EPB41L4B: variants seen among roughly 807,000 people sequenced by gnomAD.
EPB41L4B encodes the protein band 4.1-like protein 4B.
EPB41L4B carries 30 observed loss-of-function variants against 112.5 expected under a neutral mutation model. That is an observed-to-expected ratio of 0.27 (90% confidence interval 0.20 to 0.36). The LOEUF (loss-of-function observed/expected upper bound fraction) is 0.36. EPB41L4B is among the 10% of genes least tolerant of loss of function. The probability of loss-of-function intolerance (pLI) is 1.00; values close to 1 mark genes in which losing one functional copy is unlikely to be tolerated. For synonymous variants in EPB41L4B, 408 were observed against 439.7 expected (o/e 0.93, Z 0.90); for missense variants, 1,024 against 1,133.3 (o/e 0.90, Z 1.38).
At chr9:109,236,090 T>G (rs1012482398) in intron 15 of EPB41L4B, among the ~76,000 whole-genome samples, 8 of 152,226 alleles carry the variant, frequency 5.3e-5, no homozygotes, top group Admixed American at 3.9e-4. Context: ...ATTTTACTTC[T>G]GCAAACTTCC....
intron 2 of EPB41L4B, among the ~76,000 whole-genome samples, chr9:109,271,593 C>A (rs1835622374): frequency 6.6e-6 from 1 of 152,228 alleles, no homozygotes; most frequent in African/African-American, 2.4e-5. Context: ...GAAAGCCCAA[C>A]ATGGCATTTA....
chr9:109,243,357 A>G (rs1834422644), intron 15 of EPB41L4B, among the ~76,000 whole-genome samples: 1 of 152,182 alleles, frequency 6.6e-6, no homozygotes, highest in Non-Finnish European at 1.5e-5. Context: ...CTTGAACACA[A>G]AACTAAAAAC....
Position 109,216,976 on chromosome 9 carries a change from C to T in EPB41L4B, c.1579G>A (p.Glu527Lys). The change falls in exon 16 of 26, where the codon GAG (glutamate) becomes AAG (lysine). Residue 527 changes from glutamate (E) to lysine (K), a missense_variant. Coordinates refer to ENST00000374566, the MANE Select transcript of EPB41L4B (RefSeq NM_019114.5). ...HSNYSLSLTL[E>K]NKEGPLRSPN... ...GACCTCAGAGGCCCCTCTTTGTTCT[C>T]CAGGGTCAGTGAGAGGCTGTAGTTT... The T allele has an allele frequency of 6.2e-7, 1 of 1,614,158 alleles. No individual in the cohort carries two copies. Among genetic ancestry groups the T allele is most frequent in the Non-Finnish European group, 8.5e-7 (1 of 1,180,028 alleles).
chr9:109,314,372 T>C (rs1837547113), intron 1 of EPB41L4B, among the ~76,000 whole-genome samples: 1 of 152,176 alleles, frequency 6.6e-6, no homozygotes, highest in African/African-American at 2.4e-5. Context: ...TGTGCCTTCA[T>C]CCACTGCAGG....
In EPB41L4B at chr9:109,241,740, A is replaced by G. The variant is rs759453568; in HGVS notation, c.1409+1878T>C. On this transcript the variant is annotated intron_variant, in intron 15 of 25. Transcript: ENST00000374566. ...AGTTCTTCTGGTTCTGGTCGTGGAC[A>G]TAATCAAAATGGCTGTCATCTCCAC... 2.5e-6 allele frequency: 4 copies of G among 1,614,228 alleles called. No individual in the cohort carries two copies. In the Admixed American group the frequency reaches 6.7e-5, roughly 27 times the overall value.
At chr9:109,211,718 C>CT (rs200175519) in intron 17 of EPB41L4B, among the ~76,000 whole-genome samples, 37 of 116,378 alleles carry the variant, frequency 3.2e-4, no homozygotes, top group South Asian at 1.1e-3. Flanking sequence ...TATTTCTTTT[C>CT]TTTTTTTTTT....
chr9:109,183,241 T>A (rs1287484048), intron 23 of EPB41L4B, among the ~76,000 whole-genome samples: 1 of 152,194 alleles, frequency 6.6e-6, no homozygotes, highest in Non-Finnish European at 1.5e-5. Context: ...GGACACGGTC[T>A]CTTACAGCAG....
At chr9:109,268,497 G>A in intron 2 of EPB41L4B, 64 bp from the exon 3 acceptor site, 1 of 1,419,508 alleles carries the variant, frequency 7.0e-7, no homozygotes. Flanking sequence ...AGCCCTCACA[G>A]TTACCCTCCT....
At chr9:109,185,876 C>G (rs1006886594) in intron 22 of EPB41L4B, among the ~76,000 whole-genome samples, 2 of 147,928 alleles carry the variant, frequency 1.4e-5, no homozygotes, top group Admixed American at 7.1e-5. Flanking sequence ...GATGACATAC[C>G]AAGACCCCAT....
At chr9:109,271,925 G>T (rs1480015069) in intron 2 of EPB41L4B, among the ~76,000 whole-genome samples, 2 of 152,130 alleles carry the variant, frequency 1.3e-5, no homozygotes, top group African/African-American at 2.4e-5. Flanking sequence ...TCTTGGCAAG[G>T]CCCATCTGTT....
At chr9:109,318,374 G>T (rs964502466) in intron 1 of EPB41L4B, among the ~76,000 whole-genome samples, 3 of 152,132 alleles carry the variant, frequency 2.0e-5, no homozygotes, top group African/African-American at 7.2e-5. Flanking sequence ...GCTGGAATCA[G>T]TCAGCCTTCC....
At chr9:109,177,759 T>C (rs1831894448) in intron 24 of EPB41L4B, among the ~76,000 whole-genome samples, 1 of 151,682 alleles carries the variant, frequency 6.6e-6, no homozygotes, top group South Asian at 2.1e-4. Flanking sequence ...GGGGCGGAGT[T>C]TGCAATGAGC....
chr9:109,260,689 A>C (rs1835169319), intron 6 of EPB41L4B, among the ~76,000 whole-genome samples: 1 of 152,218 alleles, frequency 6.6e-6, no homozygotes, highest in Non-Finnish European at 1.5e-5. Context: ...TGCTGGGATT[A>C]CAGGGGTGAG....
At chr9:109,190,631 G>A (rs1188244018) in intron 22 of EPB41L4B, among the ~76,000 whole-genome samples, 1 of 152,218 alleles carries the variant, frequency 6.6e-6, no homozygotes, top group African/African-American at 2.4e-5. Flanking sequence ...GAGGGTACTG[G>A]CTAACAGGGA....
chr9:109,190,958 C>G (rs555533775), intron 22 of EPB41L4B, among the ~76,000 whole-genome samples: 11 of 152,328 alleles, frequency 7.2e-5, no homozygotes, highest in Middle Eastern at 6.8e-3. Context: ...CCCTCATCAG[C>G]AGCATCCAGG....
At position 109,294,672 on chromosome 9, in the gene EPB41L4B, C is replaced by CTGTGTG. The variant is rs56261244; in HGVS notation, c.307-14757_307-14752dup. On this transcript the variant is annotated intron_variant, in intron 1 of 25. Coordinates refer to ENST00000374566, the MANE Select transcript of EPB41L4B (RefSeq NM_019114.5). Reference sequence around the variant, plus strand: ...TTTGTGGAGTATAATGATATTGTGGCTGTGTGTGTGTGTGTGTGTGTGTGT... The same window carrying CTGTGTG: ...TTTGTGGAGTATAATGATATTGTGGCTGTGTGTGTGTGTGTGTGTGTGTGTGTGTGT... Among the ~76,000 whole-genome samples the CTGTGTG allele has an allele frequency of 8.3e-3, 1,235 of 147,940 alleles. 28 individuals carry two copies. The highest frequency in any genetic ancestry group is 0.029 in the African/African-American group (1,150 of 40,194).
Position 109,216,950 on chromosome 9 carries a change from G to A in EPB41L4B, c.1605C>T (p.Ser535=). The change falls in exon 16 of 26, where the codon TCC becomes TCT. Residue 535 remains serine (S), a synonymous_variant. Coordinates refer to ENST00000374566, the MANE Select transcript of EPB41L4B (RefSeq NM_019114.5). ...TAAGGGACTTGCTGCTGGAGTTTGG[G>A]GACCTCAGAGGCCCCTCTTTGTTCT... ...TLENKEGPLR[S]PNSSSKSLTK... is the part of the protein sequence containing the mutation. 6.2e-7 allele frequency: 1 copy of A among 1,614,138 alleles called. No individual in the cohort carries two copies. Among genetic ancestry groups the A allele is most frequent in the Non-Finnish European group, 8.5e-7 (1 of 1,180,002 alleles).
chr9:109,234,824 C>T (rs1219100412), intron 15 of EPB41L4B, among the ~76,000 whole-genome samples: 2 of 152,212 alleles, frequency 1.3e-5, no homozygotes, highest in African/African-American at 4.8e-5. Flanking sequence ...CACCACTGCA[C>T]TCCAGCCTGG....
intron 1 of EPB41L4B, among the ~76,000 whole-genome samples, chr9:109,308,690 G>A (rs1370986565): frequency 6.6e-6 from 1 of 152,138 alleles, no homozygotes; most frequent in South Asian, 2.1e-4. Flanking sequence ...CTCCCAAGTC[G>A]CTGGGATTAC....
Sources: gnomAD v4.1 joint callset for allele counts (sites outside exome capture counted in the v4.1 genomes callset) on GRCh38, gnomAD v4.1.1 for gene constraint, MANE v1.5 for transcripts, NCBI Gene and HGNC (gene_info 2026-07-23, HGNC 2026-07-21) for gene names.